UBE2U: variants seen among roughly 807,000 people sequenced by gnomAD.
The protein encoded by UBE2U is ubiquitin conjugating enzyme E2 U, also known as ubiquitin-conjugating enzyme E2 U.
A neutral mutation model predicts 41.2 loss-of-function variants in UBE2U; 39 were observed. That is an observed-to-expected ratio of 0.95 (90% CI 0.73 to 1.24). The LOEUF (loss-of-function observed/expected upper bound fraction) is 1.24, where lower values mean the gene tolerates loss of function less well. Among genes scored for constraint, UBE2U ranks in the 50% most tolerant of loss-of-function variants. UBE2U has a pLI of 0.00. For missense variants in UBE2U, 336 were observed against 363.1 expected (o/e 0.93, Z 0.61); for synonymous variants, 107 against 117.8 (o/e 0.91, Z 0.60).
chr1:64,253,551 T>TAACA (rs1319962989), intron 8 of UBE2U, among the ~76,000 whole-genome samples: 4 of 151,404 alleles, frequency 2.6e-5, no homozygotes, highest in Non-Finnish European at 5.9e-5. Context: ...CCCATCAGAC[T>TAACA]AACAGTGGAC....
At chr1:64,239,157 AAAG>A (rs149062313) in intron 7 of UBE2U, among the ~76,000 whole-genome samples, 2 of 37,064 alleles carry the variant, frequency 5.4e-5, no homozygotes, top group Non-Finnish European at 1.2e-4. Context: ...GAAGAAGAAG[AAAG>A]AAGAAGAAGA....
At chr1:64,225,168 A>C (rs1019887443) in intron 6 of UBE2U, among the ~76,000 whole-genome samples, 4 of 152,368 alleles carry the variant, frequency 2.6e-5, no homozygotes, top group Middle Eastern at 3.4e-3. Flanking sequence ...CTTTAGTCAA[A>C]GATAACTCGA....
chr1:64,260,488 A>G, intron 8 of UBE2U, 115 bp from the exon 9 acceptor site: 1 of 731,690 alleles, frequency 1.4e-6, no homozygotes, highest in Non-Finnish European at 2.2e-6. Flanking sequence ...CCATATTCAA[A>G]GCCTATTGTT....
chr1:64,260,497 T>C (rs1435282811), intron 8 of UBE2U, 106 bp from the exon 9 acceptor site: 5 of 820,074 alleles, frequency 6.1e-6, no homozygotes, highest in Non-Finnish European at 9.4e-6. Flanking sequence ...AAGCCTATTG[T>C]TCTACTTTTA....
intron 6 of UBE2U, among the ~76,000 whole-genome samples, chr1:64,227,807 C>CAA (rs1029201032): frequency 7.1e-6 from 1 of 139,952 alleles, no homozygotes; most frequent in South Asian, 2.3e-4. Flanking sequence ...CTTCATCTCA[C>CAA]AAAAAAAAAA....
intron 6 of UBE2U, among the ~76,000 whole-genome samples, chr1:64,226,942 G>A (rs1032129409): frequency 6.6e-6 from 1 of 152,086 alleles, no homozygotes; most frequent in African/African-American, 2.4e-5. Flanking sequence ...GACCAAATGG[G>A]TCTGATTATA....
At chr1:64,249,007 C>G (rs985092747) in intron 8 of UBE2U, among the ~76,000 whole-genome samples, 1 of 152,090 alleles carries the variant, frequency 6.6e-6, no homozygotes, top group Non-Finnish European at 1.5e-5. Context: ...GAAGAACAAT[C>G]AGATTTAAAG....
chr1:64,265,737 C>G (rs1001074716), intron 9 of UBE2U, among the ~76,000 whole-genome samples: 1 of 151,964 alleles, frequency 6.6e-6, no homozygotes, highest in Non-Finnish European at 1.5e-5. Flanking sequence ...TGCCACCACA[C>G]CCGGCTAATT....
chr1:64,219,586 ATT>A (rs35981131), intron 5 of UBE2U, among the ~76,000 whole-genome samples: 10 of 138,434 alleles, frequency 7.2e-5, no homozygotes, highest in Admixed American at 2.2e-4. Context: ...TGATCCTCTA[ATT>A]TTTTTTTTTT....
intron 4 of UBE2U, 23 bp downstream of exon 4, chr1:64,210,862 C>A (rs770759142): frequency 1.1e-5 from 16 of 1,520,954 alleles, no homozygotes; most frequent in Admixed American, 7.3e-5. Context: ...TTCATATAAT[C>A]CTCTCTTTAA....
chr1:64,223,371 G>C (rs1048749108), intron 6 of UBE2U, among the ~76,000 whole-genome samples: 45 of 152,202 alleles, frequency 3.0e-4, no homozygotes, highest in Admixed American at 1.6e-3. Context: ...AATGTAGACA[G>C]TATTTGCCAC....
At chr1:64,261,098 G>A (rs1645174286) in intron 9 of UBE2U, among the ~76,000 whole-genome samples, 2 of 152,072 alleles carry the variant, frequency 1.3e-5, no homozygotes, top group African/African-American at 4.8e-5. Flanking sequence ...GTTGTTTTTC[G>A]TGCTCTTTTA....
chr1:64,225,188 T>A (rs1350066797), intron 6 of UBE2U, among the ~76,000 whole-genome samples: 44 of 152,226 alleles, frequency 2.9e-4, no homozygotes, highest in Admixed American at 2.9e-3. Context: ...AGAACCATTA[T>A]GAAGTAAACT....
chr1:64,264,356 T>C lies in UBE2U; in HGVS notation c.770-2668T>C, dbSNP rs143356136. On this transcript the variant is annotated intron_variant, in intron 9 of 9. Transcript: ENST00000371077. ...TTAACATAGTAACAAAATCCCCACC[T>C]TTATTACTGATTCCAACCACCAAAT... 9.2e-5 allele frequency among the ~76,000 whole-genome samples: 14 copies of C among 152,334 alleles called. No individual in the cohort carries two copies. The East Asian group carries it at 2.1e-3, about 23-fold the overall frequency.
chr1:64,238,144 C>T (rs1021899799), intron 7 of UBE2U, among the ~76,000 whole-genome samples: 3 of 152,164 alleles, frequency 2.0e-5, no homozygotes, highest in Non-Finnish European at 2.9e-5. Flanking sequence ...CGGGCTTACA[C>T]TTGTAATCCC....
intron 8 of UBE2U, among the ~76,000 whole-genome samples, chr1:64,247,906 T>A (rs1294655015): frequency 6.7e-6 from 1 of 148,668 alleles, no homozygotes; most frequent in Non-Finnish European, 1.5e-5. Flanking sequence ...TTCCCCTCCC[T>A]CTCTTGCCTC....
At chr1:64,245,503 T>G (rs1489130890) in intron 8 of UBE2U, among the ~76,000 whole-genome samples, 1 of 152,208 alleles carries the variant, frequency 6.6e-6, no homozygotes, top group Non-Finnish European at 1.5e-5. Context: ...GGTGGTGGTT[T>G]ACATTCGGTG....
chr1:64,247,885 T>G (rs825197), intron 8 of UBE2U, among the ~76,000 whole-genome samples: 106,407 of 147,382 alleles, frequency 0.72, 39,712 homozygotes, highest in African/African-American at 0.92. Context: ...AAAAAAAAAT[T>G]AGCTTGACAT....
chr1:64,237,758 G>A (rs1353263273), intron 7 of UBE2U, among the ~76,000 whole-genome samples: 2 of 152,112 alleles, frequency 1.3e-5, no homozygotes, highest in South Asian at 2.1e-4. Context: ...CTCAGATGAT[G>A]GAGAAAGCAA....
Sources: allele counts gnomAD v4.1 joint callset (sites outside exome capture counted in the v4.1 genomes callset), GRCh38; gene constraint gnomAD v4.1.1; transcripts MANE v1.5; gene names NCBI Gene and HGNC (gene_info 2026-07-23, HGNC 2026-07-21).